The following TFCP2L1 variants were observed in gnomAD, a reference collection of about 807,000 sequenced individuals.
TFCP2L1 encodes the protein transcription factor CP2-like protein 1.
Under a neutral mutation model 72.2 loss-of-function variants are expected in TFCP2L1, and 12 were observed. The ratio of observed to expected loss-of-function variants is 0.17; its 90% CI spans 0.11 to 0.27. The LOEUF (loss-of-function observed/expected upper bound fraction) is 0.27. Ranked by LOEUF, TFCP2L1 falls within the 10% of genes least tolerant of loss-of-function variation. The probability of loss-of-function intolerance (pLI) is 1.00; values close to 1 mark genes in which losing one functional copy is unlikely to be tolerated. For synonymous variants in TFCP2L1, 260 were observed against 251.0 expected, an observed-to-expected ratio of 1.04 and a Z score of -0.34; for missense variants, 488 against 624.6, an observed-to-expected ratio of 0.78 and a Z score of 2.33.
Position 121,281,278 on chromosome 2 carries a change from C to T in TFCP2L1, c.63-7G>A. 6.3e-7 allele frequency: 1 copy of T among 1,592,324 alleles called. No individual in the cohort carries two copies. Among genetic ancestry groups the T allele is most frequent in the Non-Finnish European group, 8.5e-7 (1 of 1,170,832 alleles). On this transcript the variant is annotated splice_region_variant and splice_polypyrimidine_tract_variant and intron_variant, in intron 1 of 14. Coordinates refer to ENST00000263707, the MANE Select transcript of TFCP2L1 (RefSeq NM_014553.3). Reference sequence around the variant, plus strand: ...GGGCAGAGCGAGCACATCACTGCAACACACGGGAAGCAGAGGTCAGGAGCA... The same window carrying T: ...GGGCAGAGCGAGCACATCACTGCAATACACGGGAAGCAGAGGTCAGGAGCA...
chr2:121,250,749 G>C (rs941946867), intron 2 of TFCP2L1, among the ~76,000 whole-genome samples: 17 of 151,250 alleles, frequency 1.1e-4, no homozygotes, highest in Non-Finnish European at 2.1e-4. Flanking sequence ...TGAGATTACA[G>C]GCGCCTGCCA....
At chr2:121,244,338 G>T (rs1686437619) in intron 6 of TFCP2L1, among the ~76,000 whole-genome samples, 1 of 152,252 alleles carries the variant, frequency 6.6e-6, no homozygotes, top group Non-Finnish European at 1.5e-5. Context: ...AGTAACTGGG[G>T]TGACCGGCGA....
At chr2:121,237,335 T>C (rs1558730304) in intron 10 of TFCP2L1, among the ~76,000 whole-genome samples, 1 of 152,224 alleles carries the variant, frequency 6.6e-6, no homozygotes, top group Non-Finnish European at 1.5e-5. Flanking sequence ...GGACTCTTCC[T>C]GGACAGACCA....
intron 12 of TFCP2L1, among the ~76,000 whole-genome samples, chr2:121,233,020 T>G (rs1048997319): frequency 6.6e-6 from 1 of 152,218 alleles, no homozygotes; most frequent in African/African-American, 2.4e-5. Context: ...AGGCCCAATA[T>G]TTTAAAAGCA....
chr2:121,266,440 G>C (rs1211801538), intron 2 of TFCP2L1, among the ~76,000 whole-genome samples: 1 of 152,174 alleles, frequency 6.6e-6, no homozygotes, highest in African/African-American at 2.4e-5. Flanking sequence ...ACCAGAGCAA[G>C]GTGAGAGTGT....
intron 2 of TFCP2L1, among the ~76,000 whole-genome samples, chr2:121,265,676 G>A (rs1042213425): frequency 6.6e-6 from 1 of 151,962 alleles, no homozygotes; most frequent in South Asian, 2.1e-4. Flanking sequence ...TAGAGTCGGG[G>A]TTTCACCATG....
intron 2 of TFCP2L1, among the ~76,000 whole-genome samples, chr2:121,276,416 T>G (rs1451701012): frequency 2.6e-5 from 4 of 152,076 alleles, no homozygotes; most frequent in African/African-American, 7.2e-5. Context: ...AAGGACTGCT[T>G]GAACCCAGGA....
Position 121,281,160 on chromosome 2 carries a change from G to A in TFCP2L1, c.174C>T (p.Ala58=), listed in dbSNP as rs11679408. 6,035 of 1,613,840 alleles carry A rather than the reference G, an allele frequency of 3.7e-3. 20 individuals carry two copies. Among genetic ancestry groups the A allele is most frequent in the Middle Eastern group, 6.3e-3 (38 of 6,062 alleles). ...QYVLCAATSP[A]VKLHEETLTY... ...TCAGCGTCTCTTCATGCAGCTTCAC[G>A]GCTGGGGACGTGGCAGCACACAACA... The change falls in exon 2 of 15, where the codon GCC becomes GCT. Residue 58 remains alanine (A), a synonymous_variant. Coordinates refer to ENST00000263707, the MANE Select transcript of TFCP2L1 (RefSeq NM_014553.3).
At chr2:121,262,462 T>A (rs964019273) in intron 2 of TFCP2L1, among the ~76,000 whole-genome samples, 1 of 151,984 alleles carries the variant, frequency 6.6e-6, no homozygotes, top group African/African-American at 2.4e-5. Context: ...AGACTCCGTC[T>A]CAAAAAAATA....
Position 121,235,246 on chromosome 2 carries a change from G to A in TFCP2L1, c.1069C>T (p.Arg357Trp), listed in dbSNP as rs1686221744. 6.2e-7 allele frequency: 1 copy of A among 1,614,132 alleles called. No homozygotes were observed. Among genetic ancestry groups the A allele is most frequent in the South Asian group, 1.1e-5 (1 of 91,072 alleles). The change falls in exon 11 of 15, where the codon CGG becomes TGG. Residue 357 changes from arginine (R) to tryptophan (W), a missense_variant. Around this residue, in one of 3 missense-constraint regions of TFCP2L1, gnomAD observed 286 missense variants for 329.0 expected, o/e 0.87. Transcript: ENST00000263707. ...CGGCCTTTGATGGCGTTGAAGAGCC[G>A]GATCCCATCTGCGGGACCACAGATC... ...VQICGPADGIRLFNAIKGRNV... is the reference protein window; with the variant it reads ...VQICGPADGIWLFNAIKGRNV...
chr2:121,226,148 A>T (rs1197076577), intron 13 of TFCP2L1, among the ~76,000 whole-genome samples: 2 of 151,272 alleles, frequency 1.3e-5, no homozygotes, highest in Admixed American at 6.6e-5. Flanking sequence ...CACGGTGTCT[A>T]CACACACGGG....
At chr2:121,259,755 A>G (rs1686797728) in intron 2 of TFCP2L1, among the ~76,000 whole-genome samples, 1 of 152,216 alleles carries the variant, frequency 6.6e-6, no homozygotes, top group African/African-American at 2.4e-5. Context: ...TCAAACCCAC[A>G]TATTTGTAAG....
chr2:121,240,113 A>G, intron 7 of TFCP2L1: 1 of 985,384 alleles, frequency 1.0e-6, no homozygotes. Flanking sequence ...GTGCTATTTG[A>G]AAAAAGAATC....
At chr2:121,252,522 G>A (rs1364919995) in intron 2 of TFCP2L1, among the ~76,000 whole-genome samples, 4 of 152,156 alleles carry the variant, frequency 2.6e-5, no homozygotes, top group Non-Finnish European at 5.9e-5. Flanking sequence ...AGACGAGGAA[G>A]TCACCCTGTA....
intron 1 of TFCP2L1, among the ~76,000 whole-genome samples, chr2:121,282,483 T>C (rs2713228): frequency 0.45 from 67,043 of 147,734 alleles, 15,571 homozygotes; most frequent in East Asian, 0.65. Context: ...GGGTTTGAGA[T>C]CAGCCTGGGC....
rs536181697 is a variant in TFCP2L1, at chr2:121,272,970, T to G, written c.214+8150A>C. ...TATCACTCATATTTCCCCTTGTGTT[T>G]GAAACCCTCATCATCCTGAACTGCT... On this transcript the variant is annotated intron_variant, in intron 2 of 14. Transcript: ENST00000263707. Among the ~76,000 whole-genome samples the G allele has an allele frequency of 2.6e-5, 4 of 152,316 alleles. No individual in the cohort carries two copies. The East Asian group carries it at 7.7e-4, about 29-fold the overall frequency.
In TFCP2L1 at chr2:121,248,183, C is replaced by G. The variant is rs1398397966; in HGVS notation, c.485G>C (p.Arg162Thr). ...AVEFLWDPAKRASAFIQVHCI... is the reference protein window; with the variant it reads ...AVEFLWDPAKTASAFIQVHCI... ...GCCCACCTGAATGAATGCAGAAGCT[C>G]TCTTCGCAGGGTCCCACAAAAACTC... is the stretch of plus-strand genomic sequence containing the variant. The change falls in exon 5 of 15, where the codon AGA becomes ACA. Residue 162 changes from arginine to threonine, a missense_variant. Transcript: ENST00000263707. 6.2e-7 allele frequency: 1 copy of G among 1,613,834 alleles called. No individual in the cohort carries two copies. The highest frequency in any genetic ancestry group is 1.3e-5 in the African/African-American group (1 of 74,926).
chr2:121,230,159 T>C (rs35238518), intron 13 of TFCP2L1, among the ~76,000 whole-genome samples: 61,027 of 151,888 alleles, frequency 0.4, 14,169 homozygotes, highest in Non-Finnish European at 0.53. Flanking sequence ...TCCTATGTTT[T>C]TGTTTGTTTG....
At chr2:121,247,762 AT>A (rs1239719113) in intron 5 of TFCP2L1, among the ~76,000 whole-genome samples, 2 of 152,172 alleles carry the variant, frequency 1.3e-5, no homozygotes, top group Admixed American at 1.3e-4. Context: ...CCACAGTCAC[AT>A]CCTTCACCAC....
Sources: gnomAD v4.1 joint callset for allele counts (sites outside exome capture counted in the v4.1 genomes callset) on GRCh38, gnomAD v4.1.1 for gene constraint, gnomAD v4.1.1 regional missense constraint, MANE v1.5 for transcripts, NCBI Gene and HGNC (gene_info 2026-07-23, HGNC 2026-07-21) for gene names.